KANK3: variants seen among roughly 807,000 people sequenced by gnomAD.
The protein encoded by KANK3 is KN motif and ankyrin repeat domains 3, also known as KN motif and ankyrin repeat domain-containing protein 3.
In KANK3, 61 loss-of-function variants were observed where a neutral mutation model predicts 65.4. The observed-to-expected ratio is 0.93, with a 90% CI of 0.76 to 1.15. The LOEUF (loss-of-function observed/expected upper bound fraction) is 1.15, where lower values mean the gene tolerates loss of function less well. KANK3 is among the 50% of genes most tolerant of loss of function. The pLI is 0.00. For synonymous variants in KANK3, 586 were observed against 543.3 expected (o/e 1.08, Z -1.09); for missense variants, 1,187 against 1,178.8 (o/e 1.01, Z -0.10).
At chr19:8,332,981 C>CAGGTTT in intron 7 of KANK3, 33 bp downstream of exon 7, 1 of 616,748 alleles carries the variant, frequency 1.6e-6, no homozygotes, top group Non-Finnish European at 3.1e-6. Flanking sequence ...CACCCATTTC[C>CAGGTTT]TGGTGTCCCA....
rs953997426 is a variant in KANK3 at position 8,335,394 on chromosome 19, G to C, written c.433C>G (p.Gln145Glu). The stretch of plus-strand genomic sequence containing the variant: ...GGGCTGGGCGCGCGCTCGTGTGTCT[G>C]CGCCAGCTCCAGCCGCCGGCTGGTC... ...RETSRRLELA[Q>E]THERAPSPGR... The change falls in exon 3 of 11, where the codon CAG becomes GAG. Residue 145 changes from glutamine (Q) to glutamate (E), a missense_variant. Physicochemically the swap from Gln to Glu is conservative, Grantham distance 29. Transcript: ENST00000330915. The C allele has an allele frequency of 5.0e-6, 6 of 1,201,198 alleles. No homozygotes were observed. In the African/African-American group the frequency reaches 8.0e-5, roughly 16 times the overall value. 74.4% of individuals were successfully genotyped at this position (1,201,198 alleles called of 1,614,324 possible). A position where few individuals can be genotyped will look rare whatever the true frequency, so the allele number is the denominator to read the frequency against.
intron 7 of KANK3, 96 bp from the exon 8 acceptor site, chr19:8,325,192 T>A (rs537570991): frequency 7.3e-7 from 1 of 1,371,344 alleles, no homozygotes. Flanking sequence ...AGCACCTGCA[T>A]ATGGGGTGGT....
Position 8,324,780 on chromosome 19 carries a change from C to T in KANK3, c.2133G>A (p.Met711Ile). 1.2e-6 allele frequency: 2 copies of T among 1,613,988 alleles called. No homozygotes were observed. Among genetic ancestry groups the T allele is most frequent in the Admixed American group, 1.7e-5 (1 of 60,034 alleles). The change falls in exon 9 of 11, where the codon ATG (methionine) becomes ATA (isoleucine). Residue 711 changes from methionine to isoleucine, a missense_variant. Physicochemically the swap from Met to Ile is conservative, Grantham distance 10. Transcript: ENST00000330915. ...MLAISHGRQD[M>I]VATLLACGAD... The stretch of plus-strand genomic sequence containing the variant: ...CCCCACACGCCAGTAGGGTTGCCAC[C>T]ATGTCCTGTCGGCCATGGCTGATGG...
In KANK3 at chr19:8,335,620, G is replaced by A; in HGVS notation, c.207C>T (p.Thr69=). ...GCCGGGGCGCGCGGGGACGGCGCGA[G>A]GTCGGGGGTCCCGGGGCGCGGCGGG... ...PAARRAPGPP[T]SRRPRAPRPG... The change falls in exon 3 of 11, where the codon ACC becomes ACT. Residue 69 remains threonine (T), a synonymous_variant. Coordinates refer to ENST00000330915, the MANE Select transcript of KANK3 (RefSeq NM_198471.3). The A allele has an allele frequency of 3.2e-6, 4 of 1,241,070 alleles. No individual in the cohort carries two copies. The highest frequency in any genetic ancestry group is 4.0e-6 in the Non-Finnish European group (4 of 989,570). 76.9% of individuals were successfully genotyped at this position (1,241,070 alleles called of 1,614,324 possible).
rs1962450804 is a variant in KANK3 at position 8,335,286 on chromosome 19, C to T, written c.541G>A (p.Ala181Thr). 6 of 1,209,794 alleles carry T rather than the reference C, an allele frequency of 5.0e-6. No homozygotes were observed. Among genetic ancestry groups the T allele is most frequent in the Non-Finnish European group, 6.2e-6 (6 of 973,940 alleles). The allele number at this position is 1,209,794 out of a possible 1,614,324, so 74.9% of individuals were successfully genotyped here. The change falls in exon 3 of 11, where the codon GCC (alanine) becomes ACC (threonine). Residue 181 changes from alanine to threonine, a missense_variant. Physicochemically the swap from Ala to Thr is moderately conservative, Grantham distance 58. This residue lies in a region of KANK3 where 1,078 missense variants were observed against 1,038.2 expected (regional missense o/e 1.04). Coordinates refer to ENST00000330915, the MANE Select transcript of KANK3 (RefSeq NM_198471.3). ...PNLAPASPGP[A>T]QLQLVREQMA... ...TGCTCGCGCACCAGCTGCAGTTGGG[C>T]AGGGCCGGGCGAAGCAGGGGCAAGG...
rs570077993 is a variant in KANK3 at position 8,334,588 on chromosome 19, C to T, written c.1239G>A (p.Ala413=). 2.8e-5 allele frequency: 44 copies of T among 1,593,264 alleles called. 1 individual carries two copies. Among genetic ancestry groups the T allele is most frequent in the South Asian group, 1.8e-4 (16 of 89,796 alleles). ...QTPWSCAEKA[A]QTESPAEAPS... The stretch of plus-strand genomic sequence containing the variant: ...GCGCCTCTGCCGGGGACTCGGTCTG[C>T]GCGGCCTTTTCGGCACAGCTCCACG... The change falls in exon 3 of 11, where the codon GCG becomes GCA. Residue 413 remains alanine (A), a synonymous_variant. Coordinates refer to ENST00000330915, the MANE Select transcript of KANK3 (RefSeq NM_198471.3).
rs1347225496 is a variant in KANK3, at chr19:8,333,588, T to A, written c.1719+136A>T. The A allele has an allele frequency of 4.3e-6, 3 of 701,238 alleles. No homozygotes were observed. Among genetic ancestry groups the A allele is most frequent in the African/African-American group, 3.6e-5 (2 of 55,398 alleles). 43.4% of individuals were successfully genotyped at this position (701,238 alleles called of 1,614,324 possible). Reference sequence around the variant, plus strand: ...GATCGGCGCTGTCCTGGGAAGGAGATCCCTTCGGAGAGCCTGGGGTCAGGC... The same window carrying A: ...GATCGGCGCTGTCCTGGGAAGGAGAACCCTTCGGAGAGCCTGGGGTCAGGC... On this transcript the variant is annotated intron_variant, in intron 6 of 10. Coordinates refer to ENST00000330915, the MANE Select transcript of KANK3 (RefSeq NM_198471.3). The surrounding 1 kb of genome is among the most constrained non-coding windows in gnomAD (Gnocchi z 5.0).
intron 7 of KANK3, among the ~76,000 whole-genome samples, chr19:8,328,380 A>G (rs1410589764): frequency 7.9e-6 from 1 of 126,846 alleles, no homozygotes; most frequent in Admixed American, 8.5e-5. Flanking sequence ...TTCACTCACC[A>G]CCCCCACCAC....
Position 8,324,771 on chromosome 19 carries a change from G to A in KANK3, c.2142C>T (p.Thr714=), listed in dbSNP as rs1970391808. 1 of 1,614,070 alleles carries A rather than the reference G, an allele frequency of 6.2e-7. No homozygotes were observed. The highest frequency in any genetic ancestry group is 8.5e-7 in the Non-Finnish European group (1 of 1,180,020). The change falls in exon 9 of 11, where the codon ACC becomes ACT. Residue 714 remains threonine, a synonymous_variant. Transcript: ENST00000330915. ...ISHGRQDMVA[T]LLACGADVNA... The stretch of plus-strand genomic sequence containing the variant: ...TCACATCAGCCCCACACGCCAGTAG[G>A]GTTGCCACCATGTCCTGTCGGCCAT...
chr19:8,334,694 T>C lies in KANK3; in HGVS notation c.1133A>G (p.Glu378Gly), dbSNP rs1970595990. 1 of 1,532,596 alleles carries C rather than the reference T, an allele frequency of 6.5e-7. No individual in the cohort carries two copies. The allele number at this position is 1,532,596 out of a possible 1,614,324, so 94.9% of individuals were successfully genotyped here. ...CGCAGCCTCGCGGGCTTCCTCCAGC[T>C]CCCGCAACCGGCCCCGCAGAAGCTC... The part of the protein sequence containing the change: ...VSELLRGRLR[E>G]LEEAREAAEE... Residue 378 changes from glutamate to glycine, a missense_variant, in exon 3 of 11, where the codon GAG becomes GGG. Around this residue, in one of 3 missense-constraint regions of KANK3, gnomAD observed 1,078 missense variants for 1,038.2 expected, o/e 1.04. Transcript: ENST00000330915.
chr19:8,335,395 C>T lies in KANK3; in HGVS notation c.432G>A (p.Ala144=). 2.5e-6 allele frequency: 3 copies of T among 1,201,508 alleles called. No individual in the cohort carries two copies. The highest frequency in any genetic ancestry group is 3.1e-6 in the Non-Finnish European group (3 of 968,562). 74.4% of individuals were successfully genotyped at this position (1,201,508 alleles called of 1,614,324 possible). ...LRETSRRLEL[A]QTHERAPSPG... is the part of the protein sequence containing the mutation. ...GGCTGGGCGCGCGCTCGTGTGTCTG[C>T]GCCAGCTCCAGCCGCCGGCTGGTCT... The change falls in exon 3 of 11, where the codon GCG becomes GCA. Residue 144 remains alanine, a synonymous_variant. Transcript: ENST00000330915.
chr19:8,335,133 C>A lies in KANK3; in HGVS notation c.694G>T (p.Glu232Ter). 2 of 1,234,394 alleles carry A rather than the reference C, an allele frequency of 1.6e-6. No homozygotes were observed. Among genetic ancestry groups the A allele is most frequent in the Non-Finnish European group, 2.0e-6 (2 of 990,670 alleles). The allele number at this position is 1,234,394 out of a possible 1,614,324, so 76.5% of individuals were successfully genotyped here. The change falls in exon 3 of 11, where the codon GAG becomes TAG. Residue 232 changes from glutamate (E) to a stop codon, truncating the protein, a stop_gained. Coordinates refer to ENST00000330915, the MANE Select transcript of KANK3 (RefSeq NM_198471.3). LOFTEE classifies it high-confidence loss of function. Reference sequence around the variant, plus strand: ...CGCGTCTCAGCCTCCCCGTCCGGCTCGGGCTGCGCGCGCCCGGCCAGCAGC... The same window carrying A: ...CGCGTCTCAGCCTCCCCGTCCGGCTAGGGCTGCGCGCGCCCGGCCAGCAGC... Reference protein sequence around the residue: ...ARLLAGRAQPEPDGEAETRPD... With the variant: ...ARLLAGRAQP
rs752268165 is a variant in KANK3, at chr19:8,324,618, G to A, written c.2283+12C>T. The A allele has an allele frequency of 4.3e-6, 7 of 1,613,482 alleles. No individual in the cohort carries two copies. The highest frequency in any genetic ancestry group is 5.9e-6 in the Non-Finnish European group (7 of 1,179,528). On this transcript the variant is annotated intron_variant, in intron 9 of 10. Transcript: ENST00000330915. ...CACCCCCCAAGATGCCAGCCCCATT[G>A]TGGGGTCTTACATTGTCCAGGATGG...
In KANK3 at chr19:8,333,095, C is replaced by A; in HGVS notation, c.1855G>T (p.Ala619Ser). 2 of 1,613,224 alleles carry A rather than the reference C, an allele frequency of 1.2e-6. No homozygotes were observed. Among genetic ancestry groups the A allele is most frequent in the Non-Finnish European group, 1.7e-6 (2 of 1,179,924 alleles). The change falls in exon 7 of 11, where the codon GCG (alanine) becomes TCG (serine). Residue 619 changes from alanine (A) to serine (S), a missense_variant. Physicochemically the swap from Ala to Ser is moderately conservative, Grantham distance 99 (BLOSUM62 1). This residue lies in a region of KANK3 where 1,078 missense variants were observed against 1,038.2 expected (regional missense o/e 1.04). Transcript: ENST00000330915. The surrounding 1 kb of genome is among the most constrained non-coding windows in gnomAD (Gnocchi z 5.0). ...AGGGCCGTGTTCCCGTTGCCATCCG[C>A]CAGGTTCACCACGTGCGCCAGCAGT... ...PELLAHVVNL[A>S]DGNGNTALHY...
intron 2 of KANK3, among the ~76,000 whole-genome samples, 182 bp from the exon 3 acceptor site, chr19:8,335,974 G>A (rs772134149): frequency 3.9e-5 from 6 of 152,244 alleles, no homozygotes; most frequent in Non-Finnish European, 8.8e-5. Context: ...TAGGCCCGGG[G>A]GACACAGCAG....
chr19:8,323,392 A>T (rs1970360195), intron 10 of KANK3: 1 of 154,812 alleles, frequency 6.5e-6, no homozygotes, highest in Non-Finnish European at 1.5e-5. Flanking sequence ...TTATGCTATC[A>T]TGAAGTCAAA....
At chr19:8,327,779 A>G (rs996397499) in intron 7 of KANK3, among the ~76,000 whole-genome samples, 1 of 152,138 alleles carries the variant, frequency 6.6e-6, no homozygotes, top group Non-Finnish European at 1.5e-5. Flanking sequence ...GTCTGTAAAA[A>G]GGGGTTGGGG....
At chr19:8,322,997 C>A in intron 10 of KANK3, 75 bp from the exon 11 acceptor site, 1 of 834,316 alleles carries the variant, frequency 1.2e-6, no homozygotes, top group East Asian at 2.9e-5. Context: ...GCCCCAGCCT[C>A]ACTTAGTGGA....
In KANK3 at chr19:8,335,472, G is replaced by T. The variant is rs990471928; in HGVS notation, c.355C>A (p.Leu119Met). The T allele has an allele frequency of 2.1e-5, 26 of 1,236,422 alleles. 2 individuals are homozygous for T. The Admixed American group carries it at 5.7e-4, about 27-fold the overall frequency. The allele number at this position is 1,236,422 out of a possible 1,614,324, so 76.6% of individuals were successfully genotyped here. A position where few individuals can be genotyped will look rare whatever the true frequency, so the allele number is the denominator to read the frequency against. The change falls in exon 3 of 11, where the codon CTG becomes ATG. Residue 119 changes from leucine to methionine, a missense_variant. Leu to Met is a conservative substitution (Grantham distance 15). This residue lies in a region of KANK3 where 1,078 missense variants were observed against 1,038.2 expected (regional missense o/e 1.04). Coordinates refer to ENST00000330915, the MANE Select transcript of KANK3 (RefSeq NM_198471.3). ...GAPSGLLMQP[L>M]SPRAPVRNPR... is the part of the protein sequence containing the mutation. The stretch of plus-strand genomic sequence containing the variant: ...TTGCGCACGGGCGCGCGCGGCGACA[G>T]CGGCTGCATCAGGAGCCCCGAGGGC...
Sources: allele counts gnomAD v4.1 joint callset (sites outside exome capture counted in the v4.1 genomes callset), GRCh38; gene constraint gnomAD v4.1.1; regional missense constraint gnomAD v4.1.1; non-coding constraint Gnocchi (gnomAD v3.1); transcripts MANE v1.5; gene names NCBI Gene and HGNC (gene_info 2026-07-23, HGNC 2026-07-21).